FRMPD1: variants seen among roughly 807,000 people sequenced by gnomAD.
The protein encoded by FRMPD1 is FERM and PDZ domain containing 1.
Under a neutral mutation model 117.8 loss-of-function variants are expected in FRMPD1, and 76 were observed. The ratio of observed to expected loss-of-function variants is 0.65; its 90% CI spans 0.54 to 0.78. FRMPD1 has a LOEUF of 0.78. Ranked by LOEUF, FRMPD1 falls within the 30% of genes least tolerant of loss-of-function variation. The probability of loss-of-function intolerance (pLI) is 0.00; values close to 1 mark genes in which losing one functional copy is unlikely to be tolerated. For synonymous variants in FRMPD1, 783 were observed against 770.4 expected (o/e 1.02, Z -0.27); for missense variants, 1,786 against 1,964.5 (o/e 0.91, Z 1.72).
intron 13 of FRMPD1, among the ~76,000 whole-genome samples, chr9:37,736,856 AGAGT>A (rs1435124883): frequency 5.6e-5 from 8 of 142,604 alleles, no homozygotes; most frequent in Admixed American, 1.4e-4. Context: ...TGAGTGCGTG[AGAGT>A]GTGTGTGTGT....
chr9:37,745,930 C>T lies in FRMPD1; in HGVS notation c.3898C>T (p.Pro1300Ser). The T allele has an allele frequency of 1.2e-6, 2 of 1,614,206 alleles. No homozygotes were observed. The highest frequency in any genetic ancestry group is 2.2e-5 in the East Asian group (1 of 44,888). ...TGAGAAGTCTTTTCTGTGCTTTGCC[C>T]CAGAAAGCCATCCTGAAGTCTCTGC... is the stretch of plus-strand genomic sequence containing the variant. Reference protein sequence around the residue: ...SAEKSFLCFAPESHPEVSASL... With the variant: ...SAEKSFLCFASESHPEVSASL... Residue 1300 changes from proline to serine, a missense_variant, in exon 16 of 16, where the codon CCA becomes TCA. Pro to Ser is a moderately conservative substitution (Grantham distance 74). Transcript: ENST00000377765.
chr9:37,672,882 T>C (rs990882260), intron 1 of FRMPD1, among the ~76,000 whole-genome samples: 5 of 152,118 alleles, frequency 3.3e-5, no homozygotes, highest in Admixed American at 2.6e-4. Flanking sequence ...ACCAGCCCCG[T>C]GATTAAATTA....
the FRMPD1 span, among the ~76,000 whole-genome samples, chr9:37,619,854 G>A: frequency 6.6e-6 from 1 of 151,680 alleles, no homozygotes; most frequent in South Asian, 2.1e-4. Context: ...TTGATATAGT[G>A]AAGGTGCTTA....
chr9:37,712,442 ACCT>A (rs1420504755), intron 5 of FRMPD1, among the ~76,000 whole-genome samples: 1 of 152,086 alleles, frequency 6.6e-6, no homozygotes, highest in Non-Finnish European at 1.5e-5. Context: ...TGCAACCGCC[ACCT>A]CCTGGGTTCA....
intron 6 of FRMPD1, among the ~76,000 whole-genome samples, chr9:37,721,000 A>AC (rs1823376318): frequency 6.6e-6 from 1 of 152,276 alleles, no homozygotes; most frequent in Non-Finnish European, 1.5e-5. Context: ...TAAAGGCACG[A>AC]CAGGTGTGGA....
chr9:37,729,882 G>T, intron 8 of FRMPD1, 29 bp downstream of exon 8: 1 of 1,609,266 alleles, frequency 6.2e-7, no homozygotes. Flanking sequence ...CTGTTCCTGG[G>T]AGGCATGGGC....
chr9:37,607,238 C>G, the FRMPD1 span, among the ~76,000 whole-genome samples: 1 of 152,082 alleles, frequency 6.6e-6, no homozygotes, highest in Non-Finnish European at 1.5e-5. Context: ...ATCACTTGAA[C>G]CCGAGAGGCG....
the FRMPD1 span, among the ~76,000 whole-genome samples, chr9:37,614,681 C>G: frequency 6.6e-6 from 1 of 152,314 alleles, no homozygotes; most frequent in East Asian, 1.9e-4. Context: ...TGTACATAAC[C>G]AGGATGCTAG....
chr9:37,702,076 G>A (rs538202120), intron 2 of FRMPD1, among the ~76,000 whole-genome samples: 1 of 152,270 alleles, frequency 6.6e-6, no homozygotes, highest in South Asian at 2.1e-4. Flanking sequence ...TCTGATTAGG[G>A]CAATAGCCAT....
chr9:37,649,045 G>A (rs1820589913), upstream of FRMPD1, among the ~76,000 whole-genome samples: 1 of 152,068 alleles, frequency 6.6e-6, no homozygotes, highest in Non-Finnish European at 1.5e-5. Flanking sequence ...GGCTGGGTCC[G>A]GCACCTAGAG....
At chr9:37,695,039 A>C (rs1237989361) in intron 2 of FRMPD1, among the ~76,000 whole-genome samples, 1 of 152,170 alleles carries the variant, frequency 6.6e-6, no homozygotes, top group Non-Finnish European at 1.5e-5. Flanking sequence ...AGATAGATAG[A>C]TAGATAGATA....
intron 1 of FRMPD1, among the ~76,000 whole-genome samples, chr9:37,682,735 T>C (rs1471912357): frequency 6.6e-6 from 1 of 152,164 alleles, no homozygotes; most frequent in Non-Finnish European, 1.5e-5. Flanking sequence ...CTAATGCTTA[T>C]AGGGTTTTAC....
At chr9:37,636,559 G>C in the FRMPD1 span, 1 of 661,200 alleles carries the variant, frequency 1.5e-6, no homozygotes, top group South Asian at 2.1e-5. Flanking sequence ...AGAGGGAGAT[G>C]GGGAGCCCAG....
Position 37,711,347 on chromosome 9 carries a change from C to A in FRMPD1, c.363-3C>A. ...TTTTTGTCTTTATTCTTTCTTTTTT[C>A]AGGGAAGCAGAAGATTCTCTTTCAA... On this transcript the variant is annotated splice_polypyrimidine_tract_variant and splice_region_variant and intron_variant, in intron 4 of 15. Transcript: ENST00000377765. 1 of 1,602,132 alleles carries A rather than the reference C, an allele frequency of 6.2e-7. No homozygotes were observed. Among genetic ancestry groups the A allele is most frequent in the Non-Finnish European group, 8.6e-7 (1 of 1,169,116 alleles).
At chr9:37,676,429 G>A (rs1046004160) in intron 1 of FRMPD1, among the ~76,000 whole-genome samples, 1 of 152,092 alleles carries the variant, frequency 6.6e-6, no homozygotes, top group African/African-American at 2.4e-5. Context: ...AGGGACAGAG[G>A]GCAGAATGCT....
At chr9:37,641,911 A>G in the FRMPD1 span, among the ~76,000 whole-genome samples, 1 of 152,234 alleles carries the variant, frequency 6.6e-6, no homozygotes, top group East Asian at 1.9e-4. Context: ...ATAGAATCCT[A>G]CCAAAGTTGG....
the FRMPD1 span, chr9:37,636,747 G>C: frequency 1.3e-5 from 21 of 1,592,842 alleles, no homozygotes; most frequent in Non-Finnish European, 1.7e-5. Context: ...AGATTGGGCC[G>C]CTCGCCCCCG....
At chr9:37,706,807 C>T (rs968482385) in intron 2 of FRMPD1, among the ~76,000 whole-genome samples, 2 of 152,100 alleles carry the variant, frequency 1.3e-5, no homozygotes, top group African/African-American at 2.4e-5. Context: ...TAAAATTATC[C>T]GTCATCAAAC....
intron 9 of FRMPD1, 94 bp downstream of exon 9, chr9:37,731,197 C>T (rs1409082991): frequency 2.7e-6 from 3 of 1,095,650 alleles, no homozygotes; most frequent in Non-Finnish European, 4.2e-6. Context: ...CATTAAACAA[C>T]TCCCTGGTAG....
Sources: gnomAD v4.1 joint callset for allele counts (sites outside exome capture counted in the v4.1 genomes callset) on GRCh38, gnomAD v4.1.1 for gene constraint, MANE v1.5 for transcripts, NCBI Gene and HGNC (gene_info 2026-07-23, HGNC 2026-07-21) for gene names.